Variants in CEP95 observed in about 807,000 individuals in gnomAD.
CEP95 encodes the protein centrosomal protein 95, also known as centrosomal protein of 95 kDa.
CEP95 carries 98 observed loss-of-function variants against 111.2 expected under a neutral mutation model. The observed-to-expected ratio is 0.88, with a 90% CI of 0.75 to 1.04. CEP95 has a LOEUF of 1.04. Ranked by LOEUF, CEP95 falls within the 50% of genes least tolerant of loss-of-function variation. CEP95 has a pLI of 0.00. For missense variants in CEP95, 1,027 were observed against 977.2 expected (o/e 1.05, Z -0.68); for synonymous variants, 323 against 327.1 (o/e 0.99, Z 0.14).
intron 5 of CEP95, 129 bp downstream of exon 5, chr17:64,516,957 T>C (rs1223476111): frequency 1.8e-6 from 1 of 564,686 alleles, no homozygotes. Context: ...ACTTCTCATA[T>C]TTTAAACTTT....
chr17:64,528,906 A>G (rs1219886484), intron 11 of CEP95, among the ~76,000 whole-genome samples: 1 of 152,254 alleles, frequency 6.6e-6, no homozygotes, highest in African/African-American at 2.4e-5. Context: ...TAAGATAGAT[A>G]TGTATGCTTA....
chr17:64,530,330 G>A (rs574460676), intron 12 of CEP95, among the ~76,000 whole-genome samples: 1 of 152,260 alleles, frequency 6.6e-6, no homozygotes, highest in South Asian at 2.1e-4. Context: ...AGGTTGCAGT[G>A]AGCTGAGTTT....
At chr17:64,513,950 A>G (rs1287061306) in intron 3 of CEP95, among the ~76,000 whole-genome samples, 1 of 152,274 alleles carries the variant, frequency 6.6e-6, no homozygotes, top group South Asian at 2.1e-4. Context: ...CTTAAGTCCA[A>G]TTATTTTGCT....
chr17:64,530,564 A>T (rs115288820), intron 12 of CEP95, among the ~76,000 whole-genome samples: 1 of 148,736 alleles, frequency 6.7e-6, no homozygotes, highest in African/African-American at 2.5e-5. Flanking sequence ...GCTGGAGTGC[A>T]ATGGCATAAT....
intron 14 of CEP95, chr17:64,532,567 T>G: frequency 1.6e-6 from 2 of 1,222,416 alleles, no homozygotes; most frequent in Non-Finnish European, 2.0e-6. Context: ...ACGTAGAGAA[T>G]CTACCCACAG....
intron 6 of CEP95, 127 bp from the exon 7 acceptor site, chr17:64,521,275 C>A: frequency 3.1e-6 from 2 of 654,994 alleles, no homozygotes; most frequent in Non-Finnish European, 5.2e-6. Flanking sequence ...AGCAGTTGGA[C>A]CAACATTATT....
upstream of CEP95, chr17:64,506,900 C>T (rs1271074377): frequency 4.5e-6 from 3 of 671,510 alleles, no homozygotes; most frequent in Non-Finnish European, 8.1e-6. Context: ...GTTTCACGTC[C>T]TGTGAAAGGA....
At chr17:64,511,271 G>A (rs1046648686) in intron 3 of CEP95, among the ~76,000 whole-genome samples, 4 of 152,218 alleles carry the variant, frequency 2.6e-5, no homozygotes, top group Non-Finnish European at 5.9e-5. Context: ...TTTATTAGGC[G>A]GGAATTTCTT....
chr17:64,527,885 TATATATAC>T (rs1967973786), intron 11 of CEP95, among the ~76,000 whole-genome samples: 6 of 144,328 alleles, frequency 4.2e-5, no homozygotes, highest in African/African-American at 1.5e-4. Context: ...TATATATATA[TATATATAC>T]ACACACACAC....
Position 64,507,090 on chromosome 17 carries a change from T to G in CEP95, c.-8T>G. ...CGTCGGAGTCCGGCGGCGACCTGCC[T>G]CTGAAACATGGCAGGCTCGGATGCT... On this transcript the variant is annotated 5_prime_UTR_variant, in exon 1 of 20. Transcript: ENST00000556440. 1.3e-6 allele frequency: 2 copies of G among 1,551,352 alleles called. No individual in the cohort carries two copies. The highest frequency in any genetic ancestry group is 2.4e-5 in the South Asian group (2 of 84,072).
chr17:64,537,597 T>C lies in CEP95; in HGVS notation c.2290-6T>C, dbSNP rs1255715471. 5 of 1,583,114 alleles carry C rather than the reference T, an allele frequency of 3.2e-6. No homozygotes were observed. Among genetic ancestry groups the C allele is most frequent in the Non-Finnish European group, 4.3e-6 (5 of 1,160,276 alleles). On this transcript the variant is annotated splice_region_variant and splice_polypyrimidine_tract_variant and intron_variant, in intron 19 of 19. Coordinates refer to ENST00000556440, the MANE Select transcript of CEP95 (RefSeq NM_138363.3). Reference sequence around the variant, plus strand: ...AACAGCGGGATGACATGCCTTCTTTTTTCAGACATTACATAAGGTGAAGAG... The same window carrying C: ...AACAGCGGGATGACATGCCTTCTTTCTTCAGACATTACATAAGGTGAAGAG...
At chr17:64,527,714 C>A (rs564038889) in intron 11 of CEP95, among the ~76,000 whole-genome samples, 2 of 152,074 alleles carry the variant, frequency 1.3e-5, no homozygotes, top group East Asian at 3.9e-4. Flanking sequence ...TATGTTGATC[C>A]TTACAGATCC....
rs1968755261 is a variant in CEP95 at position 64,537,735 on chromosome 17, C to T, written c.2422C>T (p.Leu808Phe). 11 of 1,609,848 alleles carry T rather than the reference C, an allele frequency of 6.8e-6. No homozygotes were observed. The highest frequency in any genetic ancestry group is 9.3e-6 in the Non-Finnish European group (11 of 1,177,994). ...ELEAERFRSR[L>F]QLASFQYSKS... ...GGAAGCTGAGCGCTTCAGATCTCGG[C>T]TTCAGCTGGCTTCCTTTCAGTACAG... is the stretch of plus-strand genomic sequence containing the variant. The change falls in exon 20 of 20, where the codon CTT becomes TTT. Residue 808 changes from leucine (L) to phenylalanine (F), a missense_variant. Coordinates refer to ENST00000556440, the MANE Select transcript of CEP95 (RefSeq NM_138363.3).
chr17:64,533,320 G>C, intron 16 of CEP95, 129 bp downstream of exon 16: 1 of 727,246 alleles, frequency 1.4e-6, no homozygotes, highest in Non-Finnish European at 2.2e-6. Flanking sequence ...GTGTTGCCTA[G>C]GTCTTTAACC....
intron 17 of CEP95, 51 bp downstream of exon 17, chr17:64,534,788 C>G: frequency 6.3e-7 from 1 of 1,576,740 alleles, no homozygotes; most frequent in African/African-American, 1.3e-5. Context: ...ACTTTGTTAT[C>G]TTTCAGGACC....
intron 3 of CEP95, among the ~76,000 whole-genome samples, chr17:64,512,037 A>T (rs1221446957): frequency 1.3e-5 from 2 of 152,254 alleles, no homozygotes; most frequent in Non-Finnish European, 2.9e-5. Context: ...TAGATAAATC[A>T]TGATAGCTGC....
At chr17:64,527,412 C>T in intron 11 of CEP95, 148 bp downstream of exon 11, 1 of 553,350 alleles carries the variant, frequency 1.8e-6, no homozygotes, top group Non-Finnish European at 2.8e-6. Flanking sequence ...TGGATCTTCC[C>T]CATCTAGAAG....
At chr17:64,510,324 A>G (rs2038827260) in intron 3 of CEP95, 44 bp downstream of exon 3, 1 of 1,180,060 alleles carries the variant, frequency 8.5e-7, no homozygotes, top group Admixed American at 1.9e-5. Context: ...ATTTTAGTAA[A>G]AATAATTGTT....
intron 13 of CEP95, 188 bp downstream of exon 13, chr17:64,531,206 G>A (rs1968254335): frequency 5.0e-6 from 2 of 404,024 alleles, no homozygotes; most frequent in Non-Finnish European, 8.8e-6. Flanking sequence ...AAAATATGAC[G>A]AGACATGGTT....
Sources: gnomAD v4.1 joint callset for allele counts (sites outside exome capture counted in the v4.1 genomes callset) on GRCh38, gnomAD v4.1.1 for gene constraint, MANE v1.5 for transcripts, NCBI Gene and HGNC (gene_info 2026-07-23, HGNC 2026-07-21) for gene names.